COL15A1: variants seen among roughly 807,000 people sequenced by gnomAD.
The protein encoded by COL15A1 is collagen type XV alpha 1 chain, also known as collagen alpha-1(XV) chain.
COL15A1 carries 111 observed loss-of-function variants against 165.9 expected under a neutral mutation model. The observed-to-expected ratio is 0.67, with a 90% CI of 0.57 to 0.78. The LOEUF (loss-of-function observed/expected upper bound fraction) is 0.78. COL15A1 is among the 30% of genes least tolerant of loss of function. The pLI is 0.00. For synonymous variants in COL15A1, 659 were observed against 674.8 expected (o/e 0.98, Z 0.36); for missense variants, 1,745 against 1,789.7 (o/e 0.98, Z 0.45).
At chr9:99,024,494 TG>T (rs1839088580) in intron 14 of COL15A1, among the ~76,000 whole-genome samples, 1 of 152,026 alleles carries the variant, frequency 6.6e-6, no homozygotes, top group Non-Finnish European at 1.5e-5. Context: ...CCATGTTAGC[TG>T]GGGTGGTCTT....
At chr9:98,957,729 G>A (rs902990562) in intron 2 of COL15A1, among the ~76,000 whole-genome samples, 1 of 152,060 alleles carries the variant, frequency 6.6e-6, no homozygotes, top group Non-Finnish European at 1.5e-5. Flanking sequence ...CCCAGGCTGG[G>A]GTGCAGTGGT....
chr9:99,058,923 AAAAACACCCTT>A (rs368638280), intron 35 of COL15A1, among the ~76,000 whole-genome samples: 63 of 152,280 alleles, frequency 4.1e-4, no homozygotes, highest in African/African-American at 1.5e-3. Flanking sequence ...TGGGGCTTGT[AAAAACACCCTT>A]AATTCTGCCA....
chr9:99,034,823 A>T (rs563927902), intron 17 of COL15A1, among the ~76,000 whole-genome samples, 191 bp from the exon 18 acceptor site: 8 of 152,320 alleles, frequency 5.3e-5, no homozygotes, highest in Admixed American at 3.9e-4. Context: ...CATTCAAATG[A>T]GTGCATCAGC....
intron 22 of COL15A1, among the ~76,000 whole-genome samples, chr9:99,039,321 C>T (rs995225333): frequency 6.6e-6 from 1 of 152,112 alleles, no homozygotes; most frequent in African/African-American, 2.4e-5. Flanking sequence ...CCAGCCTGGC[C>T]AACATGTTGA....
At chr9:99,059,170 G>T (rs1825772118) in intron 35 of COL15A1, among the ~76,000 whole-genome samples, 2 of 152,162 alleles carry the variant, frequency 1.3e-5, no homozygotes, top group South Asian at 4.1e-4. Context: ...ATTTCTCTGG[G>T]AAAGAGGGCA....
At chr9:98,987,008 G>A (rs1415205614) in intron 3 of COL15A1, among the ~76,000 whole-genome samples, 1 of 152,094 alleles carries the variant, frequency 6.6e-6, no homozygotes, top group Admixed American at 6.5e-5. Context: ...CTGACAAGCT[G>A]GGGACCTGGA....
intron 22 of COL15A1, among the ~76,000 whole-genome samples, chr9:99,039,823 A>G (rs1359082006): frequency 6.6e-6 from 1 of 152,164 alleles, no homozygotes; most frequent in Non-Finnish European, 1.5e-5. Context: ...GCACACTGTG[A>G]CGCTCTGTGC....
chr9:99,056,195 G>T, intron 34 of COL15A1, 65 bp from the exon 35 acceptor site: 2 of 1,433,420 alleles, frequency 1.4e-6, no homozygotes, highest in African/African-American at 1.4e-5. Context: ...CTCATAAAAG[G>T]ACTAGATGGG....
At chr9:98,980,909 G>A (rs531975791) in intron 2 of COL15A1, among the ~76,000 whole-genome samples, 55 of 152,112 alleles carry the variant, frequency 3.6e-4, no homozygotes, top group Non-Finnish European at 6.5e-4. Context: ...GTGGGTCTGC[G>A]ACATGCATGA....
At chr9:99,005,504 G>A (rs1027850542) in intron 9 of COL15A1, among the ~76,000 whole-genome samples, 1 of 152,114 alleles carries the variant, frequency 6.6e-6, no homozygotes, top group South Asian at 2.1e-4. Flanking sequence ...CAAGGCACTT[G>A]GCCAGTCTGT....
Position 99,062,994 on chromosome 9 carries a change from G to C in COL15A1, c.3592-56G>C, listed in dbSNP as rs893717807. The C allele has an allele frequency of 1.7e-5, 26 of 1,560,760 alleles. No individual in the cohort carries two copies. The African/African-American group carries it at 3.6e-4, about 22-fold the overall frequency. ...TTGCACTTGCACCTCAATACACTCTGAAGAACAGATTGAATGCATATTCAG... is the reference window on the plus strand; with the variant it reads ...TTGCACTTGCACCTCAATACACTCTCAAGAACAGATTGAATGCATATTCAG... On this transcript the variant is annotated intron_variant, in intron 38 of 41. Coordinates refer to ENST00000375001, the MANE Select transcript of COL15A1 (RefSeq NM_001855.5).
intron 11 of COL15A1, 138 bp from the exon 12 acceptor site, chr9:99,020,251 G>A (rs1839002904): frequency 7.5e-6 from 5 of 667,610 alleles, no homozygotes; most frequent in Admixed American, 2.3e-5. Context: ...TCTTCATGGG[G>A]CTCACTGACT....
intron 28 of COL15A1, among the ~76,000 whole-genome samples, chr9:99,049,185 G>A (rs1007088708): frequency 2.6e-5 from 4 of 152,166 alleles, no homozygotes; most frequent in African/African-American, 9.7e-5. Context: ...ATGGTACTAA[G>A]GCCAAGCTGG....
At chr9:98,947,600 G>T (rs1179690347) in intron 2 of COL15A1, among the ~76,000 whole-genome samples, 1 of 152,158 alleles carries the variant, frequency 6.6e-6, no homozygotes, top group African/African-American at 2.4e-5. Context: ...GGGGCTTCAA[G>T]GTGGGGTTCC....
At position 99,042,079 on chromosome 9, in the gene COL15A1, C is replaced by T; in HGVS notation, c.2546C>T (p.Pro849Leu). Residue 849 changes from proline (P) to leucine (L), a missense_variant, in exon 24 of 42, where the codon CCT (proline) becomes CTT (leucine). By Grantham distance (98) the Pro-to-Leu change is moderately conservative (BLOSUM62 -3). Coordinates refer to ENST00000375001, the MANE Select transcript of COL15A1 (RefSeq NM_001855.5). ...GGACCAAAAGGTGACACTGGTTTAC[C>T]TGGCTTTCCAGGACTAAAAGGAGAA... ...PRGPKGDTGLPGFPGLKGEQG... is the reference protein window; with the variant it reads ...PRGPKGDTGLLGFPGLKGEQG... The T allele has an allele frequency of 6.2e-7, 1 of 1,612,156 alleles. No individual in the cohort carries two copies. The highest frequency in any genetic ancestry group is 1.1e-5 in the South Asian group (1 of 90,568).
At chr9:98,991,260 C>T (rs1227895824) in intron 5 of COL15A1, among the ~76,000 whole-genome samples, 1 of 5,860 alleles carries the variant, frequency 1.7e-4, no homozygotes, top group Non-Finnish European at 3.3e-4. Context: ...CCTTATCTGA[C>T]CCCCCCCCAC....
chr9:98,972,283 T>A (rs1838071159), intron 2 of COL15A1, among the ~76,000 whole-genome samples: 1 of 151,872 alleles, frequency 6.6e-6, no homozygotes, highest in Non-Finnish European at 1.5e-5. Context: ...CACTTGAGAG[T>A]GGGCATCAGA....
intron 28 of COL15A1, among the ~76,000 whole-genome samples, chr9:99,048,615 A>G (rs754142231): frequency 1.3e-5 from 2 of 152,004 alleles, no homozygotes; most frequent in Non-Finnish European, 2.9e-5. Context: ...ATATGTATAC[A>G]TGTGCCATTT....
chr9:98,993,313 T>C (rs937289734), intron 5 of COL15A1, among the ~76,000 whole-genome samples: 1 of 152,200 alleles, frequency 6.6e-6, no homozygotes, highest in African/African-American at 2.4e-5. Context: ...AGTGCTGGAC[T>C]CAGCACCGGG....
Sources: gnomAD v4.1 joint callset for allele counts (sites outside exome capture counted in the v4.1 genomes callset) on GRCh38, gnomAD v4.1.1 for gene constraint, MANE v1.5 for transcripts, NCBI Gene and HGNC (gene_info 2026-07-23, HGNC 2026-07-21) for gene names.